Variants in SMCO2 observed in about 807,000 individuals in gnomAD.
SMCO2 encodes single-pass membrane protein with coiled-coil domains 2, also known as single-pass membrane and coiled-coil domain-containing protein 2.
In SMCO2, 25 loss-of-function variants were observed where a neutral mutation model predicts 29.5. The ratio of observed to expected loss-of-function variants is 0.85; its 90% CI spans 0.62 to 1.18. The LOEUF is 1.18. Ranked by LOEUF, SMCO2 falls within the 50% of genes most tolerant of loss-of-function variation. SMCO2 has a pLI of 0.00. For missense variants in SMCO2, 348 were observed against 344.5 expected (o/e 1.01, Z -0.08); for synonymous variants, 117 against 123.3 (o/e 0.95, Z 0.34).
At chr12:27,426,245 G>A in the SMCO2 span, among the ~76,000 whole-genome samples, 1 of 152,232 alleles carries the variant, frequency 6.6e-6, no homozygotes, top group Non-Finnish European at 1.5e-5. Flanking sequence ...TATGGGAAAT[G>A]TTGAAGCAAA....
chr12:27,487,757 T>C (rs992614511), intron 4 of SMCO2, among the ~76,000 whole-genome samples: 7 of 150,580 alleles, frequency 4.6e-5, no homozygotes, highest in East Asian at 3.9e-4. Flanking sequence ...TTCTTTCTTT[T>C]TTTTTTTTTT....
chr12:27,474,805 C>T (rs1474964057), exon 4 of SMCO2: 1 of 1,551,576 alleles, frequency 6.4e-7, no homozygotes, highest in East Asian at 2.4e-5. Context: ...GAGCTAGAGG[C>T]TGAGCATGAC....
At chr12:27,495,760 T>C in exon 7 of SMCO2, 2 of 1,540,940 alleles carry the variant, frequency 1.3e-6, no homozygotes, top group Admixed American at 3.9e-5. Flanking sequence ...ACTCTCACAG[T>C]TCTGAGGAAA....
chr12:27,445,559 CT>C, the SMCO2 span, among the ~76,000 whole-genome samples: 1 of 152,188 alleles, frequency 6.6e-6, no homozygotes, highest in Non-Finnish European at 1.5e-5. Context: ...AATTTCAAAA[CT>C]GAAAACTTGC....
chr12:27,491,768 A>C (rs1942915141), intron 5 of SMCO2, among the ~76,000 whole-genome samples: 1 of 150,740 alleles, frequency 6.6e-6, no homozygotes, highest in Non-Finnish European at 1.5e-5. Context: ...CAATGGCGCT[A>C]TCTCGGCTCA....
At chr12:27,466,499 TC>T (rs1949499670), upstream of SMCO2, among the ~76,000 whole-genome samples, 1 of 152,228 alleles carries the variant, frequency 6.6e-6, no homozygotes, top group Non-Finnish European at 1.5e-5. Context: ...TCTTTGAGCC[TC>T]TGTGGGAAAG....
chr12:27,425,435 C>T, the SMCO2 span: 1 of 152,040 alleles, frequency 6.6e-6, no homozygotes, highest in Non-Finnish European at 1.5e-5. Flanking sequence ...GCTGTAACAA[C>T]TCCAAAATCT....
At chr12:27,492,682 A>G (rs570690585) in intron 5 of SMCO2, among the ~76,000 whole-genome samples, 9 of 152,328 alleles carry the variant, frequency 5.9e-5, no homozygotes, top group African/African-American at 2.2e-4. Context: ...TCAAAAAATA[A>G]CAGATGTTGG....
chr12:27,458,888 G>GGA, the SMCO2 span, among the ~76,000 whole-genome samples: 2 of 76,876 alleles, frequency 2.6e-5, no homozygotes, highest in Admixed American at 1.6e-4. Flanking sequence ...ACTCTATCTC[G>GGA]AAAAAAAAAA....
chr12:27,450,453 T>TA, the SMCO2 span, among the ~76,000 whole-genome samples: 2 of 152,228 alleles, frequency 1.3e-5, no homozygotes, highest in African/African-American at 4.8e-5. Flanking sequence ...CCTAGTTTGT[T>TA]AAAATCCAAC....
chr12:27,425,889 A>T, the SMCO2 span, among the ~76,000 whole-genome samples: 2 of 152,208 alleles, frequency 1.3e-5, no homozygotes, highest in Non-Finnish European at 2.9e-5. Flanking sequence ...GGCATCTGAC[A>T]TCTTTTCCCC....
At chr12:27,464,593 T>A (rs1267753486), upstream of SMCO2, among the ~76,000 whole-genome samples, 1 of 151,336 alleles carries the variant, frequency 6.6e-6, no homozygotes, top group Non-Finnish European at 1.5e-5. Context: ...GGCGCATGCT[T>A]GCAGTCCCAG....
At chr12:27,459,177 A>G in the SMCO2 span, among the ~76,000 whole-genome samples, 7 of 107,130 alleles carry the variant, frequency 6.5e-5, no homozygotes, top group East Asian at 1.6e-3. Context: ...ACAGAGCAAG[A>G]CTCCATCTCA....
upstream of SMCO2, among the ~76,000 whole-genome samples, chr12:27,463,165 C>T (rs1162895096): frequency 2.6e-5 from 4 of 152,202 alleles, no homozygotes; most frequent in Non-Finnish European, 4.4e-5. Context: ...ATCCAAGATG[C>T]GACTATGAGG....
the SMCO2 span, among the ~76,000 whole-genome samples, chr12:27,444,209 C>G: frequency 2.0e-5 from 3 of 152,138 alleles, no homozygotes; most frequent in Non-Finnish European, 2.9e-5. Flanking sequence ...ACAACCAACT[C>G]ATCTTTGACG....
At chr12:27,500,907 C>G (rs1279672239) in intron 7 of SMCO2, among the ~76,000 whole-genome samples, 1 of 150,656 alleles carries the variant, frequency 6.6e-6, no homozygotes, top group African/African-American at 2.5e-5. Context: ...CTAGCTTTAA[C>G]TATGCTCTAG....
intron 4 of SMCO2, among the ~76,000 whole-genome samples, chr12:27,483,640 G>C (rs1198044228): frequency 6.6e-6 from 1 of 152,036 alleles, no homozygotes; most frequent in East Asian, 1.9e-4. Context: ...GCCCAGGCTG[G>C]TCTCCAACTC....
chr12:27,497,669 T>C (rs1238041531), intron 7 of SMCO2: 1 of 153,190 alleles, frequency 6.5e-6, no homozygotes, highest in African/African-American at 2.6e-5. Context: ...AAGTCGAGGT[T>C]GTGGTGAGCC....
intron 7 of SMCO2, chr12:27,497,292 A>C (rs772883684): frequency 6.5e-6 from 1 of 153,670 alleles, no homozygotes; most frequent in African/African-American, 2.5e-5. Context: ...AAAATCTATG[A>C]TGCTCTGGAC....
Sources: allele counts gnomAD v4.1 joint callset (sites outside exome capture counted in the v4.1 genomes callset), GRCh38; gene constraint gnomAD v4.1.1; transcripts MANE v1.5; gene names NCBI Gene and HGNC (gene_info 2026-07-23, HGNC 2026-07-21).